LTBP1: variants seen among roughly 807,000 people sequenced by gnomAD.
The protein encoded by LTBP1 is latent-transforming growth factor beta-binding protein 1.
Under a neutral mutation model 207.6 loss-of-function variants are expected in LTBP1, and 129 were observed. The observed-to-expected ratio is 0.62, with a 90% confidence interval of 0.54 to 0.72. The LOEUF (loss-of-function observed/expected upper bound fraction) is 0.72. Among genes scored for constraint, LTBP1 ranks in the 30% least tolerant of loss-of-function variants. The pLI is 0.00. For synonymous variants in LTBP1, 963 were observed against 833.7 expected (o/e 1.16, Z -2.67); for missense variants, 2,281 against 2,217.2 (o/e 1.03, Z -0.58).
chr2:33,335,660 C>T lies in LTBP1; in HGVS notation c.3731-7178C>T, dbSNP rs1204956399. Among the ~76,000 whole-genome samples the T allele has an allele frequency of 9.2e-5, 14 of 152,136 alleles. No homozygotes were observed. In the East Asian group the frequency reaches 2.1e-3, roughly 23 times the overall value. ...TTCCCTCCTGTGCTGTGAGAGAGAC[C>T]TTAATCGCTTGTGGGCCAGCAGCCA... On this transcript the variant is annotated intron_variant, in intron 24 of 33. Transcript: ENST00000404816.
Position 33,300,510 on chromosome 2 carries a change from G to T in LTBP1, c.3295G>T (p.Gly1099Cys). 1 of 1,613,752 alleles carries T rather than the reference G, an allele frequency of 6.2e-7. No individual in the cohort carries two copies. Among genetic ancestry groups the T allele is most frequent in the East Asian group, 2.2e-5 (1 of 44,856 alleles). ...AAACGGGCAGTGCAAAAATACCGAG[G>T]GCTCCTTCAGGTGCACCTGTGGACA... ...CVNGQCKNTE[G>C]SFRCTCGQGY... The change falls in exon 21 of 34, where the codon GGC becomes TGC. Residue 1099 changes from glycine to cysteine, a missense_variant. Transcript: ENST00000404816.
intron 32 of LTBP1, among the ~76,000 whole-genome samples, chr2:33,391,420 C>T (rs1052864137): frequency 2.0e-5 from 3 of 152,022 alleles, no homozygotes; most frequent in Admixed American, 6.5e-5. Flanking sequence ...GTATATGTTA[C>T]GGGTCAGTAA....
At chr2:33,392,181 G>GT (rs1466367868) in intron 32 of LTBP1, among the ~76,000 whole-genome samples, 1 of 77,762 alleles carries the variant, frequency 1.3e-5, no homozygotes, top group Non-Finnish European at 2.4e-5. Flanking sequence ...GGGCCAGGTA[G>GT]TATTTTTTTT....
intron 24 of LTBP1, among the ~76,000 whole-genome samples, chr2:33,318,701 C>T (rs1025166471): frequency 6.6e-6 from 1 of 152,160 alleles, no homozygotes; most frequent in Non-Finnish European, 1.5e-5. Flanking sequence ...CCTCCTGCCA[C>T]CTTCCTTTCA....
In LTBP1 at chr2:33,280,151, G is replaced by A. The variant is rs1244226160; in HGVS notation, c.3105G>A (p.Gln1035=). ...CTEGFRGWNG[Q]CLDVDECLEP... is the part of the protein sequence containing the mutation. The stretch of plus-strand genomic sequence containing the variant: ...AAGGATTCCGAGGCTGGAATGGACA[G>A]TGCCTTGGTAGGTACTATAGTGTAC... Residue 1035 remains glutamine (Q), a synonymous_variant, in exon 19 of 34, where the codon CAG becomes CAA. Coordinates refer to ENST00000404816, the MANE Select transcript of LTBP1 (RefSeq NM_206943.4). 6.2e-7 allele frequency: 1 copy of A among 1,613,932 alleles called. No individual in the cohort carries two copies.
intron 22 of LTBP1, among the ~76,000 whole-genome samples, chr2:33,307,012 C>T (rs1243769107): frequency 1.3e-5 from 2 of 152,062 alleles, no homozygotes; most frequent in Non-Finnish European, 1.5e-5. Context: ...TGCTTGAACC[C>T]GGGAGGCGGA....
At chr2:32,969,229 T>TTGTG (rs201873946) in intron 2 of LTBP1, among the ~76,000 whole-genome samples, 4,826 of 131,262 alleles carry the variant, frequency 0.037, 91 homozygotes, top group East Asian at 0.064. Context: ...CCTGGCCAAT[T>TTGTG]TGTGTGTGTG....
chr2:33,198,328 A>G (rs1419089720), intron 7 of LTBP1, among the ~76,000 whole-genome samples: 1 of 152,172 alleles, frequency 6.6e-6, no homozygotes, highest in Non-Finnish European at 1.5e-5. Flanking sequence ...TTTTGCATCA[A>G]TGTTCATCAA....
At chr2:33,219,229 A>C (rs1190540401) in intron 8 of LTBP1, among the ~76,000 whole-genome samples, 1 of 152,232 alleles carries the variant, frequency 6.6e-6, no homozygotes, top group Non-Finnish European at 1.5e-5. Context: ...CATGTAAATA[A>C]GGACATTTTC....
At chr2:33,323,889 T>G (rs575611320) in intron 24 of LTBP1, among the ~76,000 whole-genome samples, 1 of 152,210 alleles carries the variant, frequency 6.6e-6, no homozygotes, top group Non-Finnish European at 1.5e-5. Flanking sequence ...GGTGTAGTAG[T>G]GGCTAAGAAG....
chr2:33,336,364 G>C (rs2094553448), intron 24 of LTBP1, among the ~76,000 whole-genome samples: 1 of 152,180 alleles, frequency 6.6e-6, no homozygotes, highest in Non-Finnish European at 1.5e-5. Flanking sequence ...AGATTCAGAG[G>C]ATTCTTCTGT....
intron 9 of LTBP1, among the ~76,000 whole-genome samples, chr2:33,224,884 C>T (rs572517963): frequency 1.3e-5 from 2 of 152,100 alleles, no homozygotes; most frequent in African/African-American, 4.8e-5. Flanking sequence ...TTGTTGAAAA[C>T]ATTTGTCTAT....
chr2:33,397,800 G>A (rs906990598), intron 33 of LTBP1, among the ~76,000 whole-genome samples: 3 of 151,948 alleles, frequency 2.0e-5, no homozygotes, highest in African/African-American at 4.8e-5. Context: ...GGGATTACAG[G>A]CGTGAGCCAC....
chr2:32,991,369 T>G (rs972202881), intron 2 of LTBP1, among the ~76,000 whole-genome samples: 28 of 152,252 alleles, frequency 1.8e-4, no homozygotes, highest in Non-Finnish European at 3.2e-4. Flanking sequence ...GAATACTTTT[T>G]CTTGAAATAT....
intron 10 of LTBP1, among the ~76,000 whole-genome samples, chr2:33,247,883 CT>C (rs2149848540): frequency 6.6e-6 from 1 of 152,352 alleles, no homozygotes; most frequent in East Asian, 1.9e-4. Flanking sequence ...AGCTTTCCAG[CT>C]TTTCCGTTAA....
At chr2:33,083,537 A>T (rs1279442542) in intron 3 of LTBP1, among the ~76,000 whole-genome samples, 1 of 151,908 alleles carries the variant, frequency 6.6e-6, no homozygotes, top group African/African-American at 2.4e-5. Context: ...AGAGGGGGGA[A>T]TCTGGATTCA....
In LTBP1 at chr2:33,254,371, A is replaced by G. The variant is rs571856179; in HGVS notation, c.2167+1527A>G. Among the ~76,000 whole-genome samples, 3 of 152,196 alleles carry G rather than the reference A, an allele frequency of 2.0e-5. No individual in the cohort carries two copies. The East Asian group carries it at 5.8e-4, about 29-fold the overall frequency. ...GTAAAAGTGGAAGCTCAATTTTGAT[A>G]GCTTTATAATCCTTACATGAAGCAT... On this transcript the variant is annotated intron_variant, in intron 11 of 33. Coordinates refer to ENST00000404816, the MANE Select transcript of LTBP1 (RefSeq NM_206943.4).
At chr2:33,025,826 G>T (rs903124269) in intron 3 of LTBP1, among the ~76,000 whole-genome samples, 1 of 152,132 alleles carries the variant, frequency 6.6e-6, no homozygotes, top group Admixed American at 6.5e-5. Flanking sequence ...TGGGTACATA[G>T]GGGTTTCTTA....
chr2:32,968,919 T>A (rs1306656235), intron 2 of LTBP1, among the ~76,000 whole-genome samples: 5 of 123,688 alleles, frequency 4.0e-5, no homozygotes, highest in Admixed American at 1.1e-4. Flanking sequence ...GTGTGTGTAT[T>A]TTTTTTTTTT....
Sources: gnomAD v4.1 joint callset for allele counts (sites outside exome capture counted in the v4.1 genomes callset) on GRCh38, gnomAD v4.1.1 for gene constraint, MANE v1.5 for transcripts, NCBI Gene and HGNC (gene_info 2026-07-23, HGNC 2026-07-21) for gene names.